KLHL4: variants seen among roughly 807,000 people sequenced by gnomAD.
KLHL4 encodes kelch-like protein 4.
KLHL4 carries 17 observed loss-of-function variants against 45.8 expected under a neutral mutation model. That is an observed-to-expected ratio of 0.37 (90% CI 0.25 to 0.56). The LOEUF is 0.56. Among genes scored for constraint, KLHL4 ranks in the 20% least tolerant of loss-of-function variants. KLHL4 has a pLI of 0.79. For synonymous variants in KLHL4, 224 were observed against 189.9 expected (o/e 1.18, Z -1.47); for missense variants, 544 against 544.9 (o/e 1.00, Z 0.02).
At chrX:87,613,098 G>A (rs777557891) in intron 1 of KLHL4, among the ~76,000 whole-genome samples, 3 of 111,653 alleles carry the variant, frequency 2.7e-5, no homozygotes, top group African/African-American at 6.5e-5. Context: ...AGACTGAATC[G>A]GGAGTGAGGA....
intron 3 of KLHL4, among the ~76,000 whole-genome samples, chrX:87,615,185 TGCTTGC>T (rs1334619415): frequency 9.0e-6 from 1 of 111,592 alleles, no homozygotes; most frequent in African/African-American, 3.2e-5. Flanking sequence ...CAAACATTTT[TGCTTGC>T]ACTGTCTGTA....
intron 4 of KLHL4, among the ~76,000 whole-genome samples, chrX:87,620,682 A>G (rs185234771): frequency 2.6e-4 from 29 of 112,535 alleles, no homozygotes; most frequent in African/African-American, 7.7e-4. Flanking sequence ...TATGAAAAGC[A>G]GTTGCAATAG....
intron 1 of KLHL4, among the ~76,000 whole-genome samples, chrX:87,603,153 TAACA>T (rs1014428414): frequency 3.0e-4 from 33 of 111,726 alleles, no homozygotes; most frequent in African/African-American, 1.0e-3. Context: ...TACCTCTGTG[TAACA>T]AACAGTGAAG....
intron 1 of KLHL4, among the ~76,000 whole-genome samples, chrX:87,600,306 AC>A (rs1921971199): frequency 9.2e-6 from 1 of 109,270 alleles, no homozygotes; most frequent in Non-Finnish European, 1.9e-5. Flanking sequence ...ACATGGCGAA[AC>A]CCCGTCTCTA....
intron 1 of KLHL4, among the ~76,000 whole-genome samples, chrX:87,530,258 C>T (rs778072380): frequency 9.2e-6 from 1 of 108,890 alleles, no homozygotes; most frequent in East Asian, 2.9e-4. Flanking sequence ...GGTTTTAGGT[C>T]TAACATTTAA....
intron 6 of KLHL4, among the ~76,000 whole-genome samples, chrX:87,627,742 T>A (rs222075): frequency 0.27 from 29,803 of 111,096 alleles, 3,144 homozygotes; most frequent in Non-Finnish European, 0.33. Flanking sequence ...AGAACTAATT[T>A]AAAAATGCAA....
At chrX:87,561,350 A>G (rs189328655) in intron 1 of KLHL4, among the ~76,000 whole-genome samples, 19 of 111,012 alleles carry the variant, frequency 1.7e-4, no homozygotes, top group Middle Eastern at 4.6e-3. Flanking sequence ...TGGGGCAGGG[A>G]TAATCTATGT....
At position 87,618,137 on chromosome X, in the gene KLHL4, A is replaced by T. The variant is rs1922624726; in HGVS notation, c.924+9A>T. 8.7e-7 allele frequency: 1 copy of T among 1,147,398 alleles called. No individual in the cohort carries two copies. Among genetic ancestry groups the T allele is most frequent in the Admixed American group, 2.4e-5 (1 of 41,402 alleles). The allele number at this position is 1,147,398 out of a possible 1,213,427, so 94.6% of individuals were successfully genotyped here. A position where few individuals can be genotyped will look rare whatever the true frequency, so the allele number is the denominator to read the frequency against. ...CACACAAATACACTATGGTAAAATC[A>T]ATTGCTTCAACTGAACTTGTAGTAA... On this transcript the variant is annotated intron_variant, in intron 4 of 10. Transcript: ENST00000373119.
intron 9 of KLHL4, among the ~76,000 whole-genome samples, chrX:87,651,878 G>T (rs1347751064): frequency 8.9e-6 from 1 of 112,549 alleles, no homozygotes; most frequent in Non-Finnish European, 1.9e-5. Context: ...GAGAATCTGT[G>T]TGGGGGCTCT....
In KLHL4 at chrX:87,666,519, G is replaced by A. The variant is rs761517048; in HGVS notation, c.2142G>A (p.Val714=). 2.5e-6 allele frequency: 3 copies of A among 1,194,935 alleles called. No homozygotes were observed. Among genetic ancestry groups the A allele is most frequent in the African/African-American group, 3.5e-5 (2 of 56,741 alleles). The change falls in exon 11 of 11, where the codon GTG becomes GTA. Residue 714 remains valine (V), a synonymous_variant. Transcript: ENST00000373119. ...NIGRAGACVV[V]VKLP is the part of the protein sequence containing the mutation. ...GAAGAGCTGGTGCATGTGTTGTAGT[G>A]GTGAAGCTACCCTAAAGCTATCTAT...
At chrX:87,549,303 T>C (rs988977577) in intron 1 of KLHL4, among the ~76,000 whole-genome samples, 4 of 111,076 alleles carry the variant, frequency 3.6e-5, no homozygotes, top group African/African-American at 1.3e-4. Context: ...AAGAGAGATA[T>C]GAGCCTCAAC....
chrX:87,657,532 G>A (rs1924032390), intron 9 of KLHL4, among the ~76,000 whole-genome samples: 1 of 112,111 alleles, frequency 8.9e-6, no homozygotes, highest in African/African-American at 3.2e-5. Context: ...TAAGCAGCTG[G>A]GGTGGTGTGG....
chrX:87,644,670 G>T, intron 9 of KLHL4, among the ~76,000 whole-genome samples: 1 of 112,063 alleles, frequency 8.9e-6, no homozygotes, highest in Middle Eastern at 4.7e-3. Flanking sequence ...TAAAGCCATA[G>T]TCACCAAAAC....
chrX:87,612,097 ATTAAG>A (rs1922398696), intron 1 of KLHL4, among the ~76,000 whole-genome samples: 3 of 112,100 alleles, frequency 2.7e-5, no homozygotes, highest in African/African-American at 6.5e-5. Flanking sequence ...GAAAGCTATG[ATTAAG>A]TTATTATTAA....
intron 9 of KLHL4, among the ~76,000 whole-genome samples, chrX:87,644,478 G>C (rs1392332646): frequency 9.0e-6 from 1 of 110,817 alleles, no homozygotes; most frequent in Non-Finnish European, 1.9e-5. Flanking sequence ...TGTCCACACT[G>C]CCAAAAGCAG....
At chrX:87,623,377 T>G (rs1922823151) in intron 5 of KLHL4, among the ~76,000 whole-genome samples, 1 of 91,917 alleles carries the variant, frequency 1.1e-5, no homozygotes, top group African/African-American at 4.1e-5. Context: ...CACGGCAACC[T>G]CTGACTCCCT....
chrX:87,622,488 T>G, intron 5 of KLHL4, 65 bp downstream of exon 5: 1 of 708,250 alleles, frequency 1.4e-6, no homozygotes, highest in Non-Finnish European at 2.0e-6. Flanking sequence ...CTAATCCATT[T>G]CTTATTTGCC....
intron 3 of KLHL4, among the ~76,000 whole-genome samples, chrX:87,617,258 C>T (rs1922588783): frequency 9.3e-6 from 1 of 107,881 alleles, no homozygotes; most frequent in African/African-American, 3.4e-5. Flanking sequence ...CATTTGTGGA[C>T]TCTTGGCAAC....
chrX:87,625,874 G>T, intron 6 of KLHL4, 78 bp downstream of exon 6: 2 of 832,344 alleles, frequency 2.4e-6, no homozygotes, highest in Admixed American at 6.5e-5. Context: ...TGATATTAAA[G>T]CCATGTTAAA....
Sources: allele counts gnomAD v4.1 joint callset (sites outside exome capture counted in the v4.1 genomes callset), GRCh38; gene constraint gnomAD v4.1.1; transcripts MANE v1.5; gene names NCBI Gene and HGNC (gene_info 2026-07-23, HGNC 2026-07-21).